Variants in MTF2 observed in about 807,000 individuals in gnomAD.
The protein encoded by MTF2 is metal response element binding transcription factor 2.
Under a neutral mutation model 79.5 loss-of-function variants are expected in MTF2, and 11 were observed. The observed-to-expected ratio is 0.14, with a 90% CI of 0.09 to 0.23. The LOEUF is 0.23. Among genes scored for constraint, MTF2 ranks in the 10% least tolerant of loss-of-function variants. The probability of loss-of-function intolerance (pLI) is 1.00; values close to 1 mark genes in which losing one functional copy is unlikely to be tolerated. For missense variants in MTF2, 486 were observed against 711.2 expected, an observed-to-expected ratio of 0.68 and a Z score of 3.60; for synonymous variants, 208 against 232.8, an observed-to-expected ratio of 0.89 and a Z score of 0.97.
Position 93,133,764 on chromosome 1 carries a change from C to T in MTF2, c.1222C>T (p.Pro408Ser), listed in dbSNP as rs773047530. ...AAAATCTGTAGGTCGTCCACCTGGC[C>T]CATATACAAGAAAAATGATTCAAAA... is the stretch of plus-strand genomic sequence containing the variant. ...KKKSVGRPPG[P>S]YTRKMIQKTA... The change falls in exon 12 of 15, where the codon CCA (proline) becomes TCA (serine). Residue 408 changes from proline to serine, a missense_variant. By Grantham distance (74) the Pro-to-Ser change is moderately conservative (BLOSUM62 -1). Around this residue, in one of 4 missense-constraint regions of MTF2, gnomAD observed 209 missense variants for 206.5 expected, o/e 1.01. Coordinates refer to ENST00000370298, the MANE Select transcript of MTF2 (RefSeq NM_007358.4). The T allele has an allele frequency of 6.2e-7, 1 of 1,611,792 alleles. No homozygotes were observed. The highest frequency in any genetic ancestry group is 8.5e-7 in the Non-Finnish European group (1 of 1,179,034).
At chr1:93,096,002 T>C (rs1655274387) in intron 1 of MTF2, among the ~76,000 whole-genome samples, 1 of 152,242 alleles carries the variant, frequency 6.6e-6, no homozygotes, top group African/African-American at 2.4e-5. Context: ...TTTTGAGTCT[T>C]GTGTCAACAG....
intron 1 of MTF2, among the ~76,000 whole-genome samples, chr1:93,094,161 T>C (rs1239623788): frequency 6.6e-6 from 1 of 152,158 alleles, no homozygotes; most frequent in Non-Finnish European, 1.5e-5. Flanking sequence ...ACTGGGATGT[T>C]TTCTTTTACT....
chr1:93,119,122 C>A (rs1656368518), intron 7 of MTF2, among the ~76,000 whole-genome samples: 1 of 152,184 alleles, frequency 6.6e-6, no homozygotes, highest in African/African-American at 2.4e-5. Flanking sequence ...AACAAAGATC[C>A]TTTCTCTTCA....
intron 1 of MTF2, among the ~76,000 whole-genome samples, chr1:93,087,082 C>T (rs921741619): frequency 6.6e-6 from 1 of 152,096 alleles, no homozygotes; most frequent in East Asian, 1.9e-4. Flanking sequence ...CAACCTGTTA[C>T]GAGGTCAGAT....
At chr1:93,089,332 TGGA>T (rs1441392039) in intron 1 of MTF2, among the ~76,000 whole-genome samples, 11 of 152,212 alleles carry the variant, frequency 7.2e-5, no homozygotes, top group Admixed American at 1.3e-4. Flanking sequence ...GCTTGATAAA[TGGA>T]GGATTTACTT....
In MTF2 at chr1:93,120,512, A is replaced by G. The variant is rs375004580; in HGVS notation, c.798-37A>G. 46 of 1,526,538 alleles carry G rather than the reference A, an allele frequency of 3.0e-5. No individual in the cohort carries two copies. The African/African-American group carries it at 5.8e-4, about 19-fold the overall frequency. 94.6% of individuals were successfully genotyped at this position (1,526,538 alleles called of 1,614,324 possible). On this transcript the variant is annotated intron_variant, in intron 8 of 14. Transcript: ENST00000370298. Reference sequence around the variant, plus strand: ...CGTGATTTTTTAACAGTAACCAAAAACATTGTTTTGTGTATTTGATTATTT... The same window carrying G: ...CGTGATTTTTTAACAGTAACCAAAAGCATTGTTTTGTGTATTTGATTATTT...
intron 11 of MTF2, among the ~76,000 whole-genome samples, chr1:93,130,920 T>G (rs538201395): frequency 1.3e-4 from 19 of 151,826 alleles, no homozygotes; most frequent in East Asian, 5.8e-4. Flanking sequence ...TCATATTCAT[T>G]GAATTTGAGA....
chr1:93,081,068 C>T (rs920387390), intron 1 of MTF2: 3 of 152,158 alleles, frequency 2.0e-5, no homozygotes. Context: ...TAAGAACACA[C>T]CTGCTTCCTG....
chr1:93,106,367 T>G (rs1655787705), intron 1 of MTF2, among the ~76,000 whole-genome samples: 1 of 152,182 alleles, frequency 6.6e-6, no homozygotes, highest in East Asian at 1.9e-4. Context: ...GTACAGTTTC[T>G]ACTTTGGAAT....
At chr1:93,106,701 T>G (rs1422086785) in intron 1 of MTF2, among the ~76,000 whole-genome samples, 1 of 152,188 alleles carries the variant, frequency 6.6e-6, no homozygotes, top group Non-Finnish European at 1.5e-5. Context: ...GTATTTTTAG[T>G]AGAGACGGGT....
intron 9 of MTF2, among the ~76,000 whole-genome samples, chr1:93,124,111 A>G (rs1656599017): frequency 1.3e-5 from 2 of 152,084 alleles, no homozygotes; most frequent in Admixed American, 1.3e-4. Context: ...AAGAGAAGAT[A>G]AAACTTTTGA....
intron 9 of MTF2, 150 bp downstream of exon 9, chr1:93,120,822 A>T: frequency 7.2e-7 from 1 of 1,382,606 alleles, no homozygotes; most frequent in Non-Finnish European, 9.3e-7. Flanking sequence ...TTTGGTATGG[A>T]TATCAGGACC....
At chr1:93,128,181 G>T (rs1204998802) in intron 10 of MTF2, among the ~76,000 whole-genome samples, 2 of 152,108 alleles carry the variant, frequency 1.3e-5, no homozygotes, top group African/African-American at 4.8e-5. Flanking sequence ...AGTGAATTCT[G>T]AATTTCAGTT....
At chr1:93,081,048 A>G (rs1331146176) in intron 1 of MTF2, 2 of 152,168 alleles carry the variant, frequency 1.3e-5, no homozygotes, top group African/African-American at 2.4e-5. Context: ...AATGTTCTAA[A>G]TATTTGAATT....
At position 93,120,446 on chromosome 1, in the gene MTF2, A is replaced by G; in HGVS notation, c.798-103A>G. On this transcript the variant is annotated intron_variant, in intron 8 of 14. Coordinates refer to ENST00000370298, the MANE Select transcript of MTF2 (RefSeq NM_007358.4). Reference sequence around the variant, plus strand: ...ATTGTGAATATGACTATCCACCTAAATATTTCTCTTTGCATTTTAATTACT... The same window carrying G: ...ATTGTGAATATGACTATCCACCTAAGTATTTCTCTTTGCATTTTAATTACT... 5 of 1,104,634 alleles carry G rather than the reference A, an allele frequency of 4.5e-6. No homozygotes were observed. The South Asian group carries it at 7.1e-5, about 16-fold the overall frequency. 68.4% of individuals were successfully genotyped at this position (1,104,634 alleles called of 1,614,324 possible).
At chr1:93,113,270 C>T (rs1311914324) in intron 3 of MTF2, among the ~76,000 whole-genome samples, 1 of 150,836 alleles carries the variant, frequency 6.6e-6, no homozygotes, top group Non-Finnish European at 1.5e-5. Context: ...GTTCCAGTTA[C>T]TTGGGAGGCT....
intron 3 of MTF2, 142 bp from the exon 4 acceptor site, chr1:93,114,546 C>G: frequency 1.9e-6 from 1 of 534,310 alleles, no homozygotes; most frequent in Non-Finnish European, 3.3e-6. Flanking sequence ...AGAGAGATAC[C>G]ATTCGTGTAC....
At chr1:93,128,535 G>A (rs1269212871) in intron 10 of MTF2, among the ~76,000 whole-genome samples, 3 of 138,634 alleles carry the variant, frequency 2.2e-5, no homozygotes, top group African/African-American at 8.2e-5. Flanking sequence ...TAGCCTGGGT[G>A]ACAGAGCGAG....
At chr1:93,099,030 A>C (rs1361842432) in intron 1 of MTF2, among the ~76,000 whole-genome samples, 1 of 152,196 alleles carries the variant, frequency 6.6e-6, no homozygotes, top group Non-Finnish European at 1.5e-5. Flanking sequence ...CTACCCACCT[A>C]TACCCAGTTG....
Sources: allele counts gnomAD v4.1 joint callset (sites outside exome capture counted in the v4.1 genomes callset), GRCh38; gene constraint gnomAD v4.1.1; regional missense constraint gnomAD v4.1.1; transcripts MANE v1.5; gene names NCBI Gene and HGNC (gene_info 2026-07-23, HGNC 2026-07-21).